JMJD4: variants seen among roughly 807,000 people sequenced by gnomAD.
The protein encoded by JMJD4 is jumonji domain containing 4.
JMJD4 carries 34 observed loss-of-function variants against 36.3 expected under a neutral mutation model. The observed-to-expected ratio is 0.94, with a 90% confidence interval of 0.71 to 1.25. The LOEUF is 1.25. Among genes scored for constraint, JMJD4 ranks in the 50% most tolerant of loss-of-function variants. JMJD4 has a pLI of 0.00. For synonymous variants in JMJD4, 269 were observed against 235.3 expected (o/e 1.14, Z -1.31); for missense variants, 584 against 559.1 (o/e 1.04, Z -0.45).
At chr1:227,732,804 C>T (rs1423638424) in intron 5 of JMJD4, 77 bp downstream of exon 5, 35 of 1,595,638 alleles carry the variant, frequency 2.2e-5, no homozygotes, top group Admixed American at 1.9e-4. Context: ...AGAAGCTGCG[C>T]GGTGACCAAG....
At position 227,735,255 on chromosome 1, in the gene JMJD4, C is replaced by A. The variant is rs776321470; in HGVS notation, c.19G>T (p.Ala7Ser). The A allele has an allele frequency of 1.7e-4, 280 of 1,602,842 alleles. 1 individual carries two copies. Among genetic ancestry groups the A allele is most frequent in the Admixed American group, 2.4e-4 (14 of 59,332 alleles). The change falls in exon 1 of 6, where the codon GCC becomes TCC. Residue 7 changes from alanine to serine, a missense_variant. By Grantham distance (99) the Ala-to-Ser change is moderately conservative. Coordinates refer to ENST00000620518, the MANE Select transcript of JMJD4 (RefSeq NM_023007.3). MDRETR[A>S]LADSHFRGLG... ...CCTCGGAAGTGGCTGTCGGCGAGGG[C>A]GCGCGTCTCGCGGTCCATCCAGCTC...
In JMJD4 at chr1:227,735,036, A is replaced by G; in HGVS notation, c.238T>C (p.Phe80Leu). ...CCGTAGGTCCGTAGCAGGTGGTCGAAGTCGGGCCTCCCCGCGGGCGTCACC... is the reference window on the plus strand; with the variant it reads ...CCGTAGGTCCGTAGCAGGTGGTCGAGGTCGGGCCTCCCCGCGGGCGTCACC... ...RWVTPAGRPD[F>L]DHLLRTYGDV... is the part of the protein sequence containing the mutation. Residue 80 changes from phenylalanine to leucine, a missense_variant, in exon 1 of 6, where the codon TTC becomes CTC. Transcript: ENST00000620518. 1 of 1,554,086 alleles carries G rather than the reference A, an allele frequency of 6.4e-7. No homozygotes were observed. The highest frequency in any genetic ancestry group is 8.7e-7 in the Non-Finnish European group (1 of 1,151,100).
intron 4 of JMJD4, 59 bp from the exon 5 acceptor site, chr1:227,733,086 C>A: frequency 6.3e-7 from 1 of 1,580,186 alleles, no homozygotes. Context: ...CTGACCAACC[C>A]ACATCTCCTG....
intron 1 of JMJD4, 40 bp from the exon 2 acceptor site, chr1:227,734,856 C>G: frequency 1.2e-6 from 2 of 1,610,848 alleles, no homozygotes; most frequent in Non-Finnish European, 1.7e-6. Context: ...TCCCTGGGCC[C>G]CGTCCTCACT....
At position 227,734,046 on chromosome 1, in the gene JMJD4, G is replaced by C. The variant is rs747301767; in HGVS notation, c.429-14C>G. ...ACCGGAAAGTCCCTGTGAGGAGGGC[G>C]CAAGGGCACCACCGACAGCACGTGA... On this transcript the variant is annotated splice_polypyrimidine_tract_variant and intron_variant, in intron 2 of 5. Transcript: ENST00000620518. 1.2e-6 allele frequency: 2 copies of C among 1,610,360 alleles called. No individual in the cohort carries two copies. The highest frequency in any genetic ancestry group is 2.2e-5 in the East Asian group (1 of 44,872).
rs763425948 is a variant in JMJD4 at position 227,734,635 on chromosome 1, T to C, written c.428+16A>G. The C allele has an allele frequency of 5.6e-6, 9 of 1,613,138 alleles. No homozygotes were observed. The highest frequency in any genetic ancestry group is 7.6e-6 in the Non-Finnish European group (9 of 1,179,738). On this transcript the variant is annotated intron_variant, in intron 2 of 5. Coordinates refer to ENST00000620518, the MANE Select transcript of JMJD4 (RefSeq NM_023007.3). ...CTAGGGAAGGCAGCGCCTCGGTGCG[T>C]CCCAAGCCCCATTACCTGCACAAGT...
chr1:227,733,597 T>TG lies in JMJD4; in HGVS notation c.638dup (p.Gly214ArgfsTer63). The TG allele has an allele frequency of 1.2e-6, 2 of 1,607,622 alleles. No individual in the cohort carries two copies. The highest frequency in any genetic ancestry group is 1.7e-5 in the Admixed American group (1 of 58,540). Reference sequence around the variant, plus strand: ...GGTCCCGCAGGGCCTCTTCCTGCCCTGGGGGGAAGAGGAGCCACTTCTTCC... The same window carrying TG: ...GGTCCCGCAGGGCCTCTTCCTGCCCTGGGGGGGAAGAGGAGCCACTTCTTCC... On this transcript the variant is annotated frameshift_variant, in exon 4 of 6. Transcript: ENST00000620518. LOFTEE classifies it high-confidence loss of function.
intron 2 of JMJD4, 89 bp from the exon 3 acceptor site, chr1:227,734,121 C>G: frequency 6.9e-7 from 1 of 1,451,426 alleles, no homozygotes; most frequent in South Asian, 1.3e-5. Context: ...GACCAATCGG[C>G]TCCAGTGGAG....
chr1:227,733,250 G>T, intron 4 of JMJD4, 164 bp downstream of exon 4: 2 of 902,276 alleles, frequency 2.2e-6, no homozygotes, highest in Non-Finnish European at 3.3e-6. Context: ...CCGGCAGTGG[G>T]TGAAACAGAG....
Position 227,735,135 on chromosome 1 carries a change from C to T in JMJD4, c.139G>A (p.Gly47Ser), listed in dbSNP as rs1470953093. ...GAFSYADFVRGFLLPNLPCVF... is the reference protein window; with the variant it reads ...GAFSYADFVRSFLLPNLPCVF... ...CAGGGCAGGTTGGGCAGCAAGAAGCCCCGCACAAAGTCGGCGTAGGAGAAG... is the reference window on the plus strand; with the variant it reads ...CAGGGCAGGTTGGGCAGCAAGAAGCTCCGCACAAAGTCGGCGTAGGAGAAG... The change falls in exon 1 of 6, where the codon GGC becomes AGC. Residue 47 changes from glycine (G) to serine (S), a missense_variant. Coordinates refer to ENST00000620518, the MANE Select transcript of JMJD4 (RefSeq NM_023007.3). The T allele has an allele frequency of 1.3e-6, 2 of 1,581,330 alleles. No homozygotes were observed. The highest frequency in any genetic ancestry group is 8.6e-7 in the Non-Finnish European group (1 of 1,164,568).
In JMJD4 at chr1:227,732,262, G is replaced by A. The variant is rs1660697884; in HGVS notation, c.*130C>T. 15 of 1,109,740 alleles carry A rather than the reference G, an allele frequency of 1.4e-5. No individual in the cohort carries two copies. Among genetic ancestry groups the A allele is most frequent in the Non-Finnish European group, 1.7e-5 (13 of 759,176 alleles). 68.7% of individuals were successfully genotyped at this position (1,109,740 alleles called of 1,614,324 possible). On this transcript the variant is annotated 3_prime_UTR_variant, in exon 6 of 6. Transcript: ENST00000620518. ...AAACAGGCACCCAGGCAGTGGCCAT[G>A]AACAGCCAGGCCACAAGCCTCGACA...
chr1:227,735,245 T>G lies in JMJD4; in HGVS notation c.29A>C (p.Asp10Ala), dbSNP rs749569436. 37 of 1,600,880 alleles carry G rather than the reference T, an allele frequency of 2.3e-5. No homozygotes were observed. Among genetic ancestry groups the G allele is most frequent in the Non-Finnish European group, 3.1e-5 (37 of 1,174,780 alleles). Reference protein sequence around the residue: MDRETRALADSHFRGLGVDV... With the variant: MDRETRALAASHFRGLGVDV... Reference sequence around the variant, plus strand: ...GACCCCCAGGCCTCGGAAGTGGCTGTCGGCGAGGGCGCGCGTCTCGCGGTC... The same window carrying G: ...GACCCCCAGGCCTCGGAAGTGGCTGGCGGCGAGGGCGCGCGTCTCGCGGTC... The change falls in exon 1 of 6, where the codon GAC becomes GCC. Residue 10 changes from aspartate (D) to alanine (A), a missense_variant. Asp to Ala is a moderately radical substitution (Grantham distance 126, BLOSUM62 -2). Coordinates refer to ENST00000620518, the MANE Select transcript of JMJD4 (RefSeq NM_023007.3).
Position 227,733,459 on chromosome 1 carries a change from C to T in JMJD4, c.777G>A (p.Glu259=), listed in dbSNP as rs1283152837. Residue 259 remains glutamate (E), a synonymous_variant, in exon 4 of 6, where the codon GAG becomes GAA. Coordinates refer to ENST00000620518, the MANE Select transcript of JMJD4 (RefSeq NM_023007.3). ...PPLEITQEAG[E]MVFVPSGWHH... ...GCCAGCCACTGGGCACAAACACCAT[C>T]TCGCCCGCTTCCTGCGTGATCTCCA... The T allele has an allele frequency of 1.9e-6, 3 of 1,589,738 alleles. No individual in the cohort carries two copies. Among genetic ancestry groups the T allele is most frequent in the South Asian group, 2.3e-5 (2 of 88,354 alleles).
At position 227,731,317 on chromosome 1, in the gene JMJD4, C is replaced by T. The variant is rs889522431; in HGVS notation, c.*1075G>A. 2 of 152,338 alleles carry T rather than the reference C, an allele frequency of 1.3e-5. No individual in the cohort carries two copies. Among genetic ancestry groups the T allele is most frequent in the African/African-American group, 4.8e-5 (2 of 41,466 alleles). The allele number at this position is 152,338 out of a possible 1,614,324, so 9.4% of individuals were successfully genotyped here. ...AACCCCTGCCCTTCTTGGGGGCTTC[C>T]ATCCTAGACAAGTGCCAGCGGCCCC... is the stretch of plus-strand genomic sequence containing the variant. On this transcript the variant is annotated 3_prime_UTR_variant, in exon 6 of 6. Coordinates refer to ENST00000620518, the MANE Select transcript of JMJD4 (RefSeq NM_023007.3).
At chr1:227,733,792 G>A in intron 3 of JMJD4, 111 bp from the exon 4 acceptor site, 1 of 1,583,968 alleles carries the variant, frequency 6.3e-7, no homozygotes, top group South Asian at 1.1e-5. Flanking sequence ...GGTCTCAAGG[G>A]ATGGCACCCA....
rs192053971 is a variant in JMJD4 at position 227,731,337 on chromosome 1, G to A, written c.*1055C>T. The A allele has an allele frequency of 7.9e-5, 12 of 152,440 alleles. No homozygotes were observed. In the East Asian group the frequency reaches 1.7e-3, roughly 22 times the overall value. The allele number at this position is 152,440 out of a possible 1,614,324, so 9.4% of individuals were successfully genotyped here. A position where few individuals can be genotyped will look rare whatever the true frequency, so the allele number is the denominator to read the frequency against. ...GCTTCCATCCTAGACAAGTGCCAGC[G>A]GCCCCAGTTGATGCCACGGGCAGGC... On this transcript the variant is annotated 3_prime_UTR_variant, in exon 6 of 6. Transcript: ENST00000620518.
Position 227,732,636 on chromosome 1 carries a change from A to T in JMJD4, c.1010T>A (p.Phe337Tyr). The T allele has an allele frequency of 1.2e-6, 2 of 1,613,452 alleles. No homozygotes were observed. Among genetic ancestry groups the T allele is most frequent in the Non-Finnish European group, 1.7e-6 (2 of 1,180,010 alleles). The part of the protein sequence containing the change: ...RSCSGINFEE[F>Y]YHFLKVIAEK... The stretch of plus-strand genomic sequence containing the variant: ...AGCGATGACCTTGAGGAAGTGGTAA[A>T]ACTCTTCAAAGTTGATGCCCGAGCA... The change falls in exon 6 of 6, where the codon TTT (phenylalanine) becomes TAT (tyrosine). Residue 337 changes from phenylalanine (F) to tyrosine (Y), a missense_variant. Transcript: ENST00000620518.
chr1:227,733,287 G>T, intron 4 of JMJD4, 127 bp downstream of exon 4: 1 of 1,045,878 alleles, frequency 9.6e-7, no homozygotes. Flanking sequence ...ACCACCTTGT[G>T]AAGGGGTCAG....
intron 1 of JMJD4, 83 bp from the exon 2 acceptor site, chr1:227,734,899 C>A: frequency 6.4e-7 from 1 of 1,556,146 alleles, no homozygotes; most frequent in Non-Finnish European, 8.8e-7. Flanking sequence ...CTCCAGGGGC[C>A]ACGCGCCTGG....
Sources: gnomAD v4.1 joint callset for allele counts on GRCh38, gnomAD v4.1.1 for gene constraint, MANE v1.5 for transcripts, NCBI Gene and HGNC (gene_info 2026-07-23, HGNC 2026-07-21) for gene names.